Variants in QTGAL observed in about 807,000 individuals in gnomAD.
QTGAL encodes the protein queuosine-tRNA galactosyltransferase, also known as BGnT-like protein 1.
the QTGAL span, among the ~76,000 whole-genome samples, chr17:83,044,649 G>T: frequency 8.9e-4 from 136 of 152,302 alleles, no homozygotes; most frequent in African/African-American, 3.2e-3. Flanking sequence ...CCAGAGCGAT[G>T]AAGAAAGATA....
the QTGAL span, among the ~76,000 whole-genome samples, chr17:83,009,115 G>A: frequency 6.6e-6 from 1 of 151,364 alleles, no homozygotes; most frequent in Admixed American, 6.6e-5. Flanking sequence ...ATCATAAAAC[G>A]TAACTCAGGG....
At chr17:83,016,650 G>A in the QTGAL span, among the ~76,000 whole-genome samples, 1 of 140,924 alleles carries the variant, frequency 7.1e-6, no homozygotes, top group Admixed American at 7.1e-5. Context: ...AAGGAGGGAG[G>A]AGGCAGGTGG....
At chr17:83,038,673 A>G in the QTGAL span, among the ~76,000 whole-genome samples, 2 of 152,158 alleles carry the variant, frequency 1.3e-5, no homozygotes, top group Non-Finnish European at 2.9e-5. Flanking sequence ...CCTGGCTAAC[A>G]CGGTGAAACC....
At chr17:82,967,161 G>A in the QTGAL span, among the ~76,000 whole-genome samples, 4 of 152,176 alleles carry the variant, frequency 2.6e-5, no homozygotes, top group Non-Finnish European at 4.4e-5. Flanking sequence ...TCCAAACAAC[G>A]CCCACATTCT....
At chr17:82,992,043 G>T in the QTGAL span, among the ~76,000 whole-genome samples, 1 of 152,050 alleles carries the variant, frequency 6.6e-6, no homozygotes, top group Non-Finnish European at 1.5e-5. Flanking sequence ...AAACAATAAT[G>T]AAGCATGCCT....
At chr17:82,961,997 C>T in the QTGAL span, among the ~76,000 whole-genome samples, 1 of 151,488 alleles carries the variant, frequency 6.6e-6, no homozygotes, top group African/African-American at 2.5e-5. Flanking sequence ...AGGAGCAGGG[C>T]GTGGAGTCTG....
At chr17:82,950,142 A>C in the QTGAL span, among the ~76,000 whole-genome samples, 1 of 152,242 alleles carries the variant, frequency 6.6e-6, no homozygotes, top group Non-Finnish European at 1.5e-5. Flanking sequence ...CCACACTGCC[A>C]GCTGCCCCTG....
chr17:83,034,475 T>C, the QTGAL span, among the ~76,000 whole-genome samples: 1 of 152,210 alleles, frequency 6.6e-6, no homozygotes, highest in Non-Finnish European at 1.5e-5. Flanking sequence ...AACTATTTGA[T>C]AAGGTTGGGC....
the QTGAL span, among the ~76,000 whole-genome samples, chr17:83,010,850 A>G: frequency 6.6e-6 from 1 of 152,088 alleles, no homozygotes; most frequent in Non-Finnish European, 1.5e-5. Flanking sequence ...GCTGTGGCCC[A>G]GGCTGCTTCA....
the QTGAL span, chr17:82,965,607 C>G: frequency 6.6e-6 from 10 of 1,524,550 alleles, no homozygotes; most frequent in Non-Finnish European, 8.9e-6. Context: ...GAGACAGGGC[C>G]CCGAACCTGG....
At chr17:83,045,985 A>T in the QTGAL span, among the ~76,000 whole-genome samples, 1 of 150,704 alleles carries the variant, frequency 6.6e-6, no homozygotes. Context: ...CACTACTCCA[A>T]GCTAATTTTT....
At chr17:83,012,675 C>T in the QTGAL span, among the ~76,000 whole-genome samples, 1 of 152,174 alleles carries the variant, frequency 6.6e-6, no homozygotes, top group African/African-American at 2.4e-5. Flanking sequence ...CTCCAGCCTC[C>T]ATGTGCGATA....
the QTGAL span, among the ~76,000 whole-genome samples, chr17:83,032,832 G>A: frequency 4.6e-5 from 7 of 152,182 alleles, no homozygotes; most frequent in East Asian, 1.9e-4. Flanking sequence ...GCCGCCCTGG[G>A]GGTTCCGCCT....
chr17:82,971,205 C>T, the QTGAL span, among the ~76,000 whole-genome samples: 1 of 152,218 alleles, frequency 6.6e-6, no homozygotes, highest in Non-Finnish European at 1.5e-5. Flanking sequence ...GCTCACGGGA[C>T]GTTTCTATCG....
chr17:82,999,382 G>A, the QTGAL span, among the ~76,000 whole-genome samples: 1 of 152,180 alleles, frequency 6.6e-6, no homozygotes, highest in Non-Finnish European at 1.5e-5. Flanking sequence ...AGCTAAGTGG[G>A]TAAACAAATT....
the QTGAL span, among the ~76,000 whole-genome samples, chr17:83,018,798 G>A: frequency 1.2e-4 from 19 of 152,196 alleles, no homozygotes; most frequent in Admixed American, 7.9e-4. Context: ...GTCCAGTTAC[G>A]GCACCCATTC....
the QTGAL span, among the ~76,000 whole-genome samples, chr17:83,037,315 C>T: frequency 1.3e-5 from 2 of 152,226 alleles, no homozygotes; most frequent in Non-Finnish European, 2.9e-5. The surrounding 1 kb of genome is among the most constrained non-coding windows in gnomAD (Gnocchi z 5.2). Flanking sequence ...TGGGACCGCA[C>T]AGCCGCACAG....
the QTGAL span, among the ~76,000 whole-genome samples, chr17:83,013,530 C>A: frequency 1.3e-5 from 2 of 150,536 alleles, no homozygotes; most frequent in African/African-American, 2.4e-5. Context: ...CCCGACCCCC[C>A]ACAGGGTGAA....
the QTGAL span, among the ~76,000 whole-genome samples, chr17:82,956,335 G>A: frequency 4.6e-5 from 7 of 152,288 alleles, no homozygotes; most frequent in South Asian, 1.0e-3. This position sits in a 1 kb window ranked among gnomAD's most constrained non-coding sequence, Gnocchi z 5.7. Context: ...CTCAGTCCAC[G>A]GGAGCTGGAG....
Sources: gnomAD v4.1 joint callset for allele counts (sites outside exome capture counted in the v4.1 genomes callset) on GRCh38, gnomAD v4.1.1 for gene constraint, Gnocchi (gnomAD v3.1) non-coding constraint, MANE v1.5 for transcripts, NCBI Gene and HGNC (gene_info 2026-07-23, HGNC 2026-07-21) for gene names.